The following SLC26A7 variants were observed in gnomAD, a reference collection of about 807,000 sequenced individuals.
The protein encoded by SLC26A7 is anion exchange transporter.
SLC26A7 carries 59 observed loss-of-function variants against 82.5 expected under a neutral mutation model. The observed-to-expected ratio is 0.72, with a 90% CI of 0.58 to 0.89. The LOEUF is 0.89. SLC26A7 is among the 40% of genes least tolerant of loss of function. The probability of loss-of-function intolerance (pLI) is 0.00; values close to 1 mark genes in which losing one functional copy is unlikely to be tolerated. For synonymous variants in SLC26A7, 271 were observed against 274.3 expected, an observed-to-expected ratio of 0.99 and a Z score of 0.12; for missense variants, 820 against 793.0, an observed-to-expected ratio of 1.03 and a Z score of -0.41.
At chr8:91,295,474 TA>T in intron 3 of SLC26A7, 56 bp from the exon 4 acceptor site, 1 of 1,558,704 alleles carries the variant, frequency 6.4e-7, no homozygotes, top group South Asian at 1.2e-5. Flanking sequence ...CCACAATTTT[TA>T]TTGAGCCTTT....
At chr8:91,280,566 G>GCT (rs1811543629) in intron 2 of SLC26A7, among the ~76,000 whole-genome samples, 1 of 152,040 alleles carries the variant, frequency 6.6e-6, no homozygotes, top group East Asian at 1.9e-4. Context: ...GGCCACCAGT[G>GCT]CTCTCTCTCT....
intron 2 of SLC26A7, among the ~76,000 whole-genome samples, chr8:91,257,356 C>A (rs1024415425): frequency 2.0e-5 from 3 of 152,084 alleles, no homozygotes; most frequent in Non-Finnish European, 4.4e-5. Context: ...TACTGCTGTC[C>A]GCTTGGTTTG....
intron 2 of SLC26A7, among the ~76,000 whole-genome samples, chr8:91,222,800 C>CT (rs1342690131): frequency 6.6e-6 from 1 of 150,630 alleles, no homozygotes; most frequent in Non-Finnish European, 1.5e-5. Flanking sequence ...CATCAGTTTT[C>CT]TTTTTTTGTT....
intron 1 of SLC26A7, among the ~76,000 whole-genome samples, chr8:91,211,552 A>G (rs1809919606): frequency 6.7e-6 from 1 of 149,746 alleles, no homozygotes; most frequent in East Asian, 1.9e-4. Flanking sequence ...AATTGCTTTT[A>G]TATATCTCTA....
intron 4 of SLC26A7, among the ~76,000 whole-genome samples, chr8:91,306,969 C>A (rs563022745): frequency 1.4e-5 from 2 of 146,940 alleles, no homozygotes; most frequent in Non-Finnish European, 3.0e-5. Context: ...ACAAACAACC[C>A]CATCAAAAAG....
chr8:91,252,735 A>G (rs6651266), intron 2 of SLC26A7, among the ~76,000 whole-genome samples: 1 of 152,088 alleles, frequency 6.6e-6, no homozygotes, highest in Non-Finnish European at 1.5e-5. Flanking sequence ...TGATGTATAC[A>G]CTGCAAGACT....
At chr8:91,362,876 C>A (rs1814089095) in intron 12 of SLC26A7, among the ~76,000 whole-genome samples, 1 of 151,992 alleles carries the variant, frequency 6.6e-6, no homozygotes, top group East Asian at 1.9e-4. Flanking sequence ...AATCTATTTT[C>A]TAGATAATTT....
intron 15 of SLC26A7, among the ~76,000 whole-genome samples, chr8:91,386,557 T>C (rs1352141685): frequency 1.3e-5 from 2 of 152,186 alleles, no homozygotes; most frequent in Non-Finnish European, 1.5e-5. Flanking sequence ...GTTTAAGTCT[T>C]TCATTTAATC....
chr8:91,361,719 C>G (rs1039735645), intron 11 of SLC26A7, among the ~76,000 whole-genome samples: 10 of 152,204 alleles, frequency 6.6e-5, no homozygotes, highest in African/African-American at 1.9e-4. Flanking sequence ...AACTAGAAGA[C>G]AATTAGAGCT....
chr8:91,348,647 G>A (rs1489236972), intron 9 of SLC26A7, among the ~76,000 whole-genome samples: 2 of 152,006 alleles, frequency 1.3e-5, no homozygotes, highest in Non-Finnish European at 2.9e-5. Context: ...GGGTAATTGT[G>A]TGAACACTTT....
At chr8:91,372,962 T>C (rs924361962) in intron 15 of SLC26A7, among the ~76,000 whole-genome samples, 12 of 151,964 alleles carry the variant, frequency 7.9e-5, no homozygotes, top group Non-Finnish European at 1.8e-4. Flanking sequence ...AATGTGTTCC[T>C]AGGTATTTTA....
chr8:91,354,762 G>C (rs1427982661), intron 11 of SLC26A7, among the ~76,000 whole-genome samples: 1 of 152,006 alleles, frequency 6.6e-6, no homozygotes, highest in Non-Finnish European at 1.5e-5. Context: ...CTCACCACCA[G>C]TTCATTATAT....
In SLC26A7 at chr8:91,338,125, T is replaced by G. The variant is rs772922883; in HGVS notation, c.796-25T>G. On this transcript the variant is annotated intron_variant, in intron 6 of 18. Transcript: ENST00000276609. ...AGAGGTCAGTAATGTATATATTTTT[T>G]CTTTTTTCAAATGGAACCACACAGA... The G allele has an allele frequency of 5.7e-6, 9 of 1,572,754 alleles. No individual in the cohort carries two copies. The South Asian group carries it at 1.1e-4, about 19-fold the overall frequency.
At chr8:91,286,543 T>C (rs911440438) in intron 2 of SLC26A7, among the ~76,000 whole-genome samples, 1 of 152,346 alleles carries the variant, frequency 6.6e-6, no homozygotes, top group South Asian at 2.1e-4. Context: ...TCCTTGATAC[T>C]TTTGTTGTTG....
chr8:91,319,797 C>A (rs1812740233), intron 5 of SLC26A7, among the ~76,000 whole-genome samples: 1 of 152,174 alleles, frequency 6.6e-6, no homozygotes, highest in Non-Finnish European at 1.5e-5. Flanking sequence ...AAATGACTGT[C>A]CATTACCACT....
intron 1 of SLC26A7, among the ~76,000 whole-genome samples, chr8:91,213,452 T>G (rs34846680): frequency 0.052 from 7,909 of 152,234 alleles, 275 homozygotes; most frequent in Middle Eastern, 0.16. Flanking sequence ...CACTTATCAC[T>G]GTGGCATGGC....
intron 5 of SLC26A7, among the ~76,000 whole-genome samples, chr8:91,332,428 T>A (rs1813114811): frequency 7.0e-6 from 1 of 143,422 alleles, no homozygotes; most frequent in South Asian, 2.1e-4. Flanking sequence ...ATTTAATCAA[T>A]ATATATTTAA....
At chr8:91,226,695 C>T (rs905370994) in intron 2 of SLC26A7, among the ~76,000 whole-genome samples, 4 of 152,110 alleles carry the variant, frequency 2.6e-5, no homozygotes, top group Admixed American at 2.6e-4. Flanking sequence ...AAACAATGGG[C>T]TAACAATATA....
At chr8:91,296,347 A>G (rs1413683530) in intron 4 of SLC26A7, among the ~76,000 whole-genome samples, 5 of 152,206 alleles carry the variant, frequency 3.3e-5, no homozygotes, top group Admixed American at 2.6e-4. Flanking sequence ...GGCACTGAAT[A>G]TTAGACATGG....
Sources: allele counts gnomAD v4.1 joint callset (sites outside exome capture counted in the v4.1 genomes callset), GRCh38; gene constraint gnomAD v4.1.1; transcripts MANE v1.5; gene names NCBI Gene and HGNC (gene_info 2026-07-23, HGNC 2026-07-21).